The following EPHX2 variants were observed in gnomAD, a reference collection of about 807,000 sequenced individuals.
EPHX2 encodes epoxide hydrolase 2, also known as bifunctional epoxide hydrolase 2.
EPHX2 carries 74 observed loss-of-function variants against 78.7 expected under a neutral mutation model. The ratio of observed to expected loss-of-function variants is 0.94; its 90% CI spans 0.78 to 1.14. The LOEUF is 1.14. Ranked by LOEUF, EPHX2 falls within the 50% of genes most tolerant of loss-of-function variation. The probability of loss-of-function intolerance (pLI) is 0.00; values close to 1 mark genes in which losing one functional copy is unlikely to be tolerated. For missense variants in EPHX2, 715 were observed against 702.5 expected (o/e 1.02, Z -0.20); for synonymous variants, 251 against 255.2 (o/e 0.98, Z 0.16).
chr8:27,523,429 C>G (rs1814718890), intron 11 of EPHX2, among the ~76,000 whole-genome samples: 1 of 152,200 alleles, frequency 6.6e-6, no homozygotes, highest in Admixed American at 6.5e-5. Flanking sequence ...GCCATTTGAG[C>G]TGGTGAGCTG....
At chr8:27,524,453 C>T (rs147704968) in intron 11 of EPHX2, among the ~76,000 whole-genome samples, 82 of 152,276 alleles carry the variant, frequency 5.4e-4, no homozygotes, top group African/African-American at 1.7e-3. Flanking sequence ...TCTTCTGAGA[C>T]GCCCTCATGG....
chr8:27,537,752 A>G (rs1444561430), intron 13 of EPHX2, among the ~76,000 whole-genome samples: 2 of 151,566 alleles, frequency 1.3e-5, no homozygotes, highest in African/African-American at 4.9e-5. Flanking sequence ...TTCATTTCTA[A>G]TTCTCTCTTG....
At chr8:27,536,756 C>T in intron 12 of EPHX2, 28 bp from the exon 13 acceptor site, 2 of 1,612,674 alleles carry the variant, frequency 1.2e-6, no homozygotes, top group Non-Finnish European at 1.7e-6. Context: ...CTAGGGGGTC[C>T]TTCATTTTGC....
At chr8:27,499,550 C>A (rs1373952627) in intron 1 of EPHX2, among the ~76,000 whole-genome samples, 1 of 152,190 alleles carries the variant, frequency 6.6e-6, no homozygotes, top group African/African-American at 2.4e-5. Context: ...TTACTCAGGG[C>A]TGGTAATTTT....
At position 27,522,462 on chromosome 8, in the gene EPHX2, G is replaced by A. The variant is rs1814683949; in HGVS notation, c.1012G>A (p.Gly338Ser). 6.2e-7 allele frequency: 1 copy of A among 1,613,920 alleles called. No homozygotes were observed. The change falls in exon 11 of 19, where the codon GGC becomes AGC. Residue 338 changes from glycine (G) to serine (S), a missense_variant. Coordinates refer to ENST00000521400, the MANE Select transcript of EPHX2 (RefSeq NM_001979.6). ...AGTGTTCATTGGCCATGACTGGGGT[G>A]GCATGCTGGTGTGGTACATGGCTCT... is the stretch of plus-strand genomic sequence containing the variant. ...QAVFIGHDWGGMLVWYMALFY... is the reference protein window; with the variant it reads ...QAVFIGHDWGSMLVWYMALFY...
chr8:27,515,954 AG>A (rs750588688), intron 7 of EPHX2, 141 bp downstream of exon 7: 18 of 771,972 alleles, frequency 2.3e-5, no homozygotes, highest in Non-Finnish European at 3.9e-5. Context: ...TTGGGGCAGG[AG>A]GGTGACTCCA....
intron 12 of EPHX2, among the ~76,000 whole-genome samples, chr8:27,534,677 C>T (rs1000344552): frequency 6.6e-6 from 1 of 152,146 alleles, no homozygotes; most frequent in Non-Finnish European, 1.5e-5. Flanking sequence ...AACCTCTCAA[C>T]GTGTGCAAGC....
In EPHX2 at chr8:27,523,955, CAG is replaced by C. The variant is rs201068397; in HGVS notation, c.1059-1404_1059-1403del. ...TTCCTGTTTTTTTTTTTTTTTGAGACAGAGTCTCACTCCATTGTCCAGGCTGG... is the reference window on the plus strand; with the variant it reads ...TTCCTGTTTTTTTTTTTTTTTGAGACAGTCTCACTCCATTGTCCAGGCTGG... On this transcript the variant is annotated intron_variant, in intron 11 of 18. Transcript: ENST00000521400. 7.2e-3 allele frequency among the ~76,000 whole-genome samples: 1,060 copies of C among 146,708 alleles called. 11 individuals are homozygous for C. The highest frequency in any genetic ancestry group is 0.026 in the African/African-American group (1,020 of 39,256).
chr8:27,542,811 T>C (rs1815446222), intron 16 of EPHX2, among the ~76,000 whole-genome samples: 2 of 152,034 alleles, frequency 1.3e-5, no homozygotes, highest in African/African-American at 4.8e-5. Flanking sequence ...CCAGCGAATT[T>C]TTTGTGTTTT....
rs986654793 is a variant in EPHX2 at position 27,544,791 on chromosome 8, C to G, written c.*269C>G. 5 of 457,536 alleles carry G rather than the reference C, an allele frequency of 1.1e-5. No individual in the cohort carries two copies. Among genetic ancestry groups the G allele is most frequent in the Non-Finnish European group, 1.9e-5 (5 of 257,360 alleles). 28.3% of individuals were successfully genotyped at this position (457,536 alleles called of 1,614,324 possible). A position where few individuals can be genotyped will look rare whatever the true frequency, so the allele number is the denominator to read the frequency against. ...GAACCCTTAGTGTCCTGTAGGGGGA[C>G]AGAATGGGGTGGCCAGGTGGTGATT... is the stretch of plus-strand genomic sequence containing the variant. On this transcript the variant is annotated 3_prime_UTR_variant, in exon 19 of 19. Coordinates refer to ENST00000521400, the MANE Select transcript of EPHX2 (RefSeq NM_001979.6).
intron 11 of EPHX2, among the ~76,000 whole-genome samples, chr8:27,525,097 T>C (rs1300901955): frequency 0.014 from 1,867 of 136,940 alleles, 18 homozygotes; most frequent in Middle Eastern, 0.049. Context: ...TGTGTGTGTG[T>C]GTGTGTGTGT....
chr8:27,533,423 A>G (rs139321187), intron 12 of EPHX2, among the ~76,000 whole-genome samples: 33 of 152,310 alleles, frequency 2.2e-4, no homozygotes, highest in East Asian at 1.9e-3. Flanking sequence ...ATTTAAAGAT[A>G]TAGTCTTATC....
At chr8:27,525,218 A>G in intron 11 of EPHX2, 144 bp from the exon 12 acceptor site, 1 of 679,588 alleles carries the variant, frequency 1.5e-6, no homozygotes, top group Non-Finnish European at 2.6e-6. Flanking sequence ...TTCTGATCCC[A>G]TTCTCCCATT....
Position 27,522,261 on chromosome 8 carries a change from G to A in EPHX2, c.973-162G>A, listed in dbSNP as rs72475883. The stretch of plus-strand genomic sequence containing the variant: ...CTGGCTATTTGTGTTGAGGGTCTGT[G>A]GCTGGTGGAGGGAGGAGAGGCTTGA... On this transcript the variant is annotated intron_variant, in intron 10 of 18. Transcript: ENST00000521400. Among the ~76,000 whole-genome samples the A allele has an allele frequency of 4.8e-3, 734 of 152,302 alleles. 5 individuals are homozygous for A. Among genetic ancestry groups the A allele is most frequent in the African/African-American group, 0.017 (702 of 41,570 alleles).
intron 16 of EPHX2, among the ~76,000 whole-genome samples, chr8:27,542,492 C>T (rs1233170826): frequency 1.3e-5 from 2 of 152,110 alleles, no homozygotes; most frequent in Admixed American, 1.3e-4. Flanking sequence ...CCTATTAGCT[C>T]CATTAGTGTT....
intron 12 of EPHX2, among the ~76,000 whole-genome samples, chr8:27,534,417 G>A (rs968837233): frequency 6.6e-6 from 1 of 152,128 alleles, no homozygotes; most frequent in Non-Finnish European, 1.5e-5. Context: ...TTGGGAGGCC[G>A]AGGCAGGCGG....
Position 27,500,952 on chromosome 8 carries a change from A to G in EPHX2, c.128A>G (p.Lys43Arg). ...PRGLLNDAFQKGGPEGATTRL... is the reference protein window; with the variant it reads ...PRGLLNDAFQRGGPEGATTRL... ...GGACTTCTGAATGATGCTTTCCAGA[A>G]AGGGGGACCAGAGGGTGCCACTACC... The change falls in exon 2 of 19, where the codon AAA (lysine) becomes AGA (arginine). Residue 43 changes from lysine (K) to arginine (R), a missense_variant. Transcript: ENST00000521400. 6.2e-7 allele frequency: 1 copy of G among 1,613,434 alleles called. No individual in the cohort carries two copies. Among genetic ancestry groups the G allele is most frequent in the Non-Finnish European group, 8.5e-7 (1 of 1,179,710 alleles).
rs1395120184 is a variant in EPHX2 at position 27,545,426 on chromosome 8, C to T, written c.*904C>T. ...CAGTGGTCTCTCCCCTGCCCTGCTTCCAGCCCCAGAGTCCTGGAGCAGCAG... is the reference window on the plus strand; with the variant it reads ...CAGTGGTCTCTCCCCTGCCCTGCTTTCAGCCCCAGAGTCCTGGAGCAGCAG... On this transcript the variant is annotated 3_prime_UTR_variant, in exon 19 of 19. Transcript: ENST00000521400. The T allele has an allele frequency of 6.6e-6, 1 of 152,290 alleles. No homozygotes were observed. Among genetic ancestry groups the T allele is most frequent in the Admixed American group, 6.6e-5 (1 of 15,248 alleles). The allele number at this position is 152,290 out of a possible 1,614,324, so 9.4% of individuals were successfully genotyped here. A position where few individuals can be genotyped will look rare whatever the true frequency, so the allele number is the denominator to read the frequency against.
At position 27,503,745 on chromosome 8, in the gene EPHX2, C is replaced by G; in HGVS notation, c.328C>G (p.Leu110Val). 4 of 1,612,536 alleles carry G rather than the reference C, an allele frequency of 2.5e-6. No homozygotes were observed. The highest frequency in any genetic ancestry group is 2.5e-6 in the Non-Finnish European group (3 of 1,179,944). ...KINRPMLQAALMLRKKGFTTA... is the reference protein window; with the variant it reads ...KINRPMLQAAVMLRKKGFTTA... ...CAACCGCCCCATGCTCCAGGCAGCT[C>G]TCATGCTCAGGAAGAAAGGTAAGGA... Residue 110 changes from leucine to valine, a missense_variant, in exon 3 of 19, where the codon CTC (leucine) becomes GTC (valine). Transcript: ENST00000521400.
Sources: gnomAD v4.1 joint callset for allele counts (sites outside exome capture counted in the v4.1 genomes callset) on GRCh38, gnomAD v4.1.1 for gene constraint, MANE v1.5 for transcripts, NCBI Gene and HGNC (gene_info 2026-07-23, HGNC 2026-07-21) for gene names.